Variants in NFIB observed in about 807,000 individuals in gnomAD.
NFIB encodes nuclear factor I B, also known as nuclear factor 1 B-type.
In NFIB, 11 loss-of-function variants were observed where a neutral mutation model predicts 61.5. The ratio of observed to expected loss-of-function variants is 0.18; its 90% CI spans 0.11 to 0.30. The LOEUF (loss-of-function observed/expected upper bound fraction) is 0.30. NFIB is among the 10% of genes least tolerant of loss of function. The probability of loss-of-function intolerance (pLI) is 1.00; values close to 1 mark genes in which losing one functional copy is unlikely to be tolerated. For missense variants in NFIB, 471 were observed against 608.9 expected (o/e 0.77, Z 2.38); for synonymous variants, 260 against 216.5 (o/e 1.20, Z -1.76).
chr9:14,229,707 G>A (rs945062410), intron 2 of NFIB, among the ~76,000 whole-genome samples: 8 of 151,988 alleles, frequency 5.3e-5, no homozygotes, highest in Non-Finnish European at 8.8e-5. Flanking sequence ...CTTCCCTTCC[G>A]GGCTTCAGGG....
chr9:14,342,132 A>G (rs1363417615), intron 1 of NFIB, among the ~76,000 whole-genome samples: 1 of 152,186 alleles, frequency 6.6e-6, no homozygotes, highest in Admixed American at 6.5e-5. Context: ...TGGGCCTGTG[A>G]AAACGTATAC....
chr9:14,187,039 G>A (rs867601175), intron 2 of NFIB, among the ~76,000 whole-genome samples: 4,599 of 138,264 alleles, frequency 0.033, 128 homozygotes, highest in African/African-American at 0.069. Flanking sequence ...GTGTGTGTGT[G>A]TGTGTGTGTG....
At chr9:14,225,748 T>C (rs1282582352) in intron 2 of NFIB, among the ~76,000 whole-genome samples, 1 of 152,040 alleles carries the variant, frequency 6.6e-6, no homozygotes, top group African/African-American at 2.4e-5. Flanking sequence ...ACTCTCAACT[T>C]TACTGTAATT....
intron 1 of NFIB, among the ~76,000 whole-genome samples, chr9:14,391,880 T>A (rs542813619): frequency 1.3e-5 from 2 of 152,260 alleles, no homozygotes; most frequent in East Asian, 3.9e-4. Context: ...GAATAAACGT[T>A]TACTCACTTC....
At chr9:14,429,871 T>C in the NFIB span, among the ~76,000 whole-genome samples, 2 of 152,218 alleles carry the variant, frequency 1.3e-5, no homozygotes, top group South Asian at 2.1e-4. Context: ...CATATTTTTA[T>C]TGGAAAAAAA....
At chr9:14,274,251 TAC>T (rs71321975) in intron 2 of NFIB, among the ~76,000 whole-genome samples, 4,181 of 123,986 alleles carry the variant, frequency 0.034, 100 homozygotes, top group African/African-American at 0.064. Context: ...TCTTCCTCCC[TAC>T]ACACACACAC....
Position 14,086,233 on chromosome 9 carries a change from T to C in NFIB, c.*2076A>G, listed in dbSNP as rs2032845451. 21 of 219,536 alleles carry C rather than the reference T, an allele frequency of 9.6e-5. No individual in the cohort carries two copies. The East Asian group carries it at 1.4e-3, about 15-fold the overall frequency. 13.6% of individuals were successfully genotyped at this position (219,536 alleles called of 1,614,324 possible). Reference sequence around the variant, plus strand: ...CTACACTGCAAAGTGTTAAAAATCCTCCCACCCACCCCAGAATATATATAT... The same window carrying C: ...CTACACTGCAAAGTGTTAAAAATCCCCCCACCCACCCCAGAATATATATAT... On this transcript the variant is annotated 3_prime_UTR_variant, in exon 11 of 11. Coordinates refer to ENST00000380953, the MANE Select transcript of NFIB (RefSeq NM_001190737.2).
intron 9 of NFIB, 27 bp downstream of exon 9, chr9:14,116,181 T>G (rs2038105395): frequency 1.4e-6 from 2 of 1,480,230 alleles, no homozygotes; most frequent in Non-Finnish European, 1.8e-6. Context: ...AAATACTTAC[T>G]GGTTGCTGTA....
chr9:14,205,356 A>G (rs189478141), intron 2 of NFIB, among the ~76,000 whole-genome samples: 32 of 149,856 alleles, frequency 2.1e-4, no homozygotes, highest in Middle Eastern at 3.4e-3. Context: ...AACTAAAAAT[A>G]CATACTGATT....
At chr9:14,449,895 A>T in the NFIB span, among the ~76,000 whole-genome samples, 3 of 152,112 alleles carry the variant, frequency 2.0e-5, no homozygotes, top group Non-Finnish European at 4.4e-5. Context: ...AGATCACGCC[A>T]CTGCACTCCA....
In NFIB at chr9:14,082,525, C is replaced by T. The variant is rs951434196; in HGVS notation, c.*5784G>A. The stretch of plus-strand genomic sequence containing the variant: ...GAAACCTATGCCTGGGATGTAGTTA[C>T]CCCTCACATTCTACAATGTTGTAGA... On this transcript the variant is annotated 3_prime_UTR_variant, in exon 11 of 11. Transcript: ENST00000380953. The T allele has an allele frequency of 4.8e-6, 1 of 206,810 alleles. No homozygotes were observed. Among genetic ancestry groups the T allele is most frequent in the Non-Finnish European group, 9.9e-6 (1 of 101,044 alleles). 12.8% of individuals were successfully genotyped at this position (206,810 alleles called of 1,614,324 possible). A position where few individuals can be genotyped will look rare whatever the true frequency, so the allele number is the denominator to read the frequency against.
At chr9:14,322,335 ATG>A (rs1478231667) in intron 1 of NFIB, 3 of 255,332 alleles carry the variant, frequency 1.2e-5, no homozygotes, top group East Asian at 1.2e-4. Context: ...GTGTGCATGT[ATG>A]TGTGTGTGTG....
At chr9:14,412,862 G>A in the NFIB span, among the ~76,000 whole-genome samples, 1 of 152,260 alleles carries the variant, frequency 6.6e-6, no homozygotes, top group Admixed American at 6.5e-5. Context: ...TTTGTTCAGA[G>A]GAGGCTAAAA....
intron 3 of NFIB, among the ~76,000 whole-genome samples, chr9:14,175,879 G>C (rs1563866465): frequency 6.6e-6 from 1 of 152,140 alleles, no homozygotes. Context: ...CAGCCTTCCT[G>C]AACTCCAAAA....
chr9:14,267,863 T>C (rs1354216323), intron 2 of NFIB, among the ~76,000 whole-genome samples: 1 of 152,226 alleles, frequency 6.6e-6, no homozygotes, highest in Non-Finnish European at 1.5e-5. Flanking sequence ...CTGGGCGCAG[T>C]GGCTCACGCC....
chr9:14,133,180 A>G (rs192726662), intron 6 of NFIB, among the ~76,000 whole-genome samples: 18 of 152,248 alleles, frequency 1.2e-4, no homozygotes, highest in Admixed American at 9.2e-4. Flanking sequence ...ACTTTCATAG[A>G]TTTTTTTTAA....
At chr9:14,159,980 T>C (rs1166279631) in intron 3 of NFIB, among the ~76,000 whole-genome samples, 1 of 152,192 alleles carries the variant, frequency 6.6e-6, no homozygotes, top group Non-Finnish European at 1.5e-5. Flanking sequence ...TCCCTTCGTC[T>C]ACCAAAGGAA....
chr9:14,110,003 G>C (rs978620463), intron 10 of NFIB, among the ~76,000 whole-genome samples: 1 of 152,128 alleles, frequency 6.6e-6, no homozygotes, highest in South Asian at 2.1e-4. Context: ...TAAATGATAT[G>C]AAAGTGTATA....
chr9:14,448,079 T>A, the NFIB span, among the ~76,000 whole-genome samples: 1 of 152,188 alleles, frequency 6.6e-6, no homozygotes, highest in Non-Finnish European at 1.5e-5. Context: ...TGACCATATA[T>A]GTAACCATAG....
Sources: allele counts gnomAD v4.1 joint callset (sites outside exome capture counted in the v4.1 genomes callset), GRCh38; gene constraint gnomAD v4.1.1; transcripts MANE v1.5; gene names NCBI Gene and HGNC (gene_info 2026-07-23, HGNC 2026-07-21).